Variants in RUVBL1 observed in about 807,000 individuals in gnomAD.
RUVBL1 encodes RuvB like AAA ATPase 1, also known as ruvB-like 1.
Under a neutral mutation model 52.4 loss-of-function variants are expected in RUVBL1, and 4 were observed. The observed-to-expected ratio is 0.08, with a 90% CI of 0.04 to 0.17. The LOEUF is 0.17. RUVBL1 is among the 10% of genes least tolerant of loss of function. The pLI is 1.00. For synonymous variants in RUVBL1, 217 were observed against 214.4 expected, an observed-to-expected ratio of 1.01 and a Z score of -0.10; for missense variants, 298 against 572.8, an observed-to-expected ratio of 0.52 and a Z score of 4.90.
chr3:128,080,821 C>A lies in RUVBL1; in HGVS notation c.*429G>T. 1 of 159,192 alleles carries A rather than the reference C, an allele frequency of 6.3e-6. No individual in the cohort carries two copies. Among genetic ancestry groups the A allele is most frequent in the Non-Finnish European group, 1.4e-5 (1 of 72,342 alleles). 9.9% of individuals were successfully genotyped at this position (159,192 alleles called of 1,614,324 possible). A position where few individuals can be genotyped will look rare whatever the true frequency, so the allele number is the denominator to read the frequency against. Reference sequence around the variant, plus strand: ...AGGTAAAACTGAGAAAATGTGAACGCAGTAGAATAATGCATCAGTATTGGT... The same window carrying A: ...AGGTAAAACTGAGAAAATGTGAACGAAGTAGAATAATGCATCAGTATTGGT... On this transcript the variant is annotated 3_prime_UTR_variant, in exon 11 of 11. Coordinates refer to ENST00000322623, the MANE Select transcript of RUVBL1 (RefSeq NM_003707.3).
chr3:128,120,288 G>C (rs1396595419), intron 1 of RUVBL1, among the ~76,000 whole-genome samples: 1 of 152,186 alleles, frequency 6.6e-6, no homozygotes, highest in East Asian at 1.9e-4. Flanking sequence ...AGTGAACACT[G>C]TAAATACTGA....
intron 3 of RUVBL1, 111 bp from the exon 4 acceptor site, chr3:128,105,035 A>G: frequency 8.4e-7 from 1 of 1,191,632 alleles, no homozygotes; most frequent in Non-Finnish European, 1.2e-6. Flanking sequence ...AATAATGTAC[A>G]TTCCAGGGTG....
chr3:128,084,200 G>A (rs1942568088), intron 9 of RUVBL1: 1 of 152,292 alleles, frequency 6.6e-6, no homozygotes, highest in African/African-American at 2.4e-5. Flanking sequence ...TGAACTGCCA[G>A]GGTGTGAGCT....
At chr3:128,068,043 G>C (rs1942037930) in intron 9 of RUVBL1, 1 of 1,613,750 alleles carries the variant, frequency 6.2e-7, no homozygotes, top group South Asian at 1.1e-5. Flanking sequence ...GACCTCCATG[G>C]TCCATGAACT....
chr3:128,103,578 T>C (rs1055863879), intron 4 of RUVBL1, among the ~76,000 whole-genome samples: 2 of 152,220 alleles, frequency 1.3e-5, no homozygotes, highest in Non-Finnish European at 2.9e-5. Flanking sequence ...GTCAATCTCC[T>C]GCAGTTTATA....
chr3:128,141,970 G>A (rs546201073), intron 1 of RUVBL1: 85 of 152,310 alleles, frequency 5.6e-4, no homozygotes, highest in African/African-American at 1.9e-3. Flanking sequence ...TGCTGCTGAA[G>A]AGAGCACTTG....
chr3:128,146,060 T>G (rs1002426965), intron 1 of RUVBL1, among the ~76,000 whole-genome samples: 1 of 150,234 alleles, frequency 6.7e-6, no homozygotes, highest in African/African-American at 2.5e-5. Context: ...GGATCAGGAG[T>G]AGGGAGGGGG....
chr3:128,135,263 T>G (rs556288887), intron 1 of RUVBL1, among the ~76,000 whole-genome samples: 1 of 152,236 alleles, frequency 6.6e-6, no homozygotes, highest in Admixed American at 6.5e-5. Context: ...CTGGGCATGG[T>G]GGCTCATGCC....
chr3:128,069,492 G>C, intron 9 of RUVBL1: 1 of 1,612,100 alleles, frequency 6.2e-7, no homozygotes, highest in Non-Finnish European at 8.5e-7. Flanking sequence ...CCCCACAGCC[G>C]CGGCCTTTGG....
At chr3:128,106,069 T>G (rs919238176) in intron 3 of RUVBL1, among the ~76,000 whole-genome samples, 2 of 151,828 alleles carry the variant, frequency 1.3e-5, no homozygotes, top group African/African-American at 2.4e-5. Context: ...TTAGTAGAGA[T>G]AGGTTTCACC....
intron 2 of RUVBL1, among the ~76,000 whole-genome samples, chr3:128,117,214 TCTAAAA>T (rs1323830687): frequency 6.6e-6 from 1 of 152,120 alleles, no homozygotes; most frequent in Admixed American, 6.5e-5. Flanking sequence ...GGAACAAAGA[TCTAAAA>T]GAAATTACCC....
intron 1 of RUVBL1, among the ~76,000 whole-genome samples, chr3:128,138,173 A>C (rs937121992): frequency 9.2e-5 from 14 of 152,316 alleles, no homozygotes; most frequent in Admixed American, 7.8e-4. Flanking sequence ...TCAACATAGT[A>C]CTGGAAGTCC....
rs781192863 is a variant in RUVBL1, at chr3:128,082,599, C to T, written c.1120-25G>A. ...TCTTTTAAAGGATAAAAAACATGATCAACGGTGACTGACCTCAAGTGCCCC... is the reference window on the plus strand; with the variant it reads ...TCTTTTAAAGGATAAAAAACATGATTAACGGTGACTGACCTCAAGTGCCCC... On this transcript the variant is annotated intron_variant, in intron 9 of 10. Coordinates refer to ENST00000322623, the MANE Select transcript of RUVBL1 (RefSeq NM_003707.3). The surrounding 1 kb of genome is among the most constrained non-coding windows in gnomAD (Gnocchi z 4.7). 2.6e-6 allele frequency: 4 copies of T among 1,564,176 alleles called. No individual in the cohort carries two copies. In the African/African-American group the frequency reaches 5.4e-5, roughly 21 times the overall value.
intron 1 of RUVBL1, among the ~76,000 whole-genome samples, chr3:128,149,189 CTTTT>C (rs34444238): frequency 1.3e-4 from 17 of 133,010 alleles, no homozygotes; most frequent in Middle Eastern, 3.8e-3. Flanking sequence ...TTCTTTCTTT[CTTTT>C]TTTTTTTTTT....
chr3:128,085,768 G>A (rs986093717), intron 9 of RUVBL1, among the ~76,000 whole-genome samples: 4 of 152,196 alleles, frequency 2.6e-5, no homozygotes, highest in African/African-American at 9.7e-5. Flanking sequence ...AGGCCCAGGA[G>A]AGGCCCTGAC....
At chr3:128,071,885 G>A (rs1179411123) in intron 9 of RUVBL1, among the ~76,000 whole-genome samples, 1 of 152,242 alleles carries the variant, frequency 6.6e-6, no homozygotes, top group East Asian at 1.9e-4. Context: ...GGCCACATGT[G>A]GAGCTGCTGC....
chr3:128,064,856 T>C, exon 10 of RUVBL1: 1 of 1,568,498 alleles, frequency 6.4e-7, no homozygotes, highest in South Asian at 1.2e-5. Flanking sequence ...CCTTCATATA[T>C]GTCTCCTCCT....
At chr3:128,142,343 C>T (rs960273787) in intron 1 of RUVBL1, among the ~76,000 whole-genome samples, 2 of 152,100 alleles carry the variant, frequency 1.3e-5, no homozygotes, top group African/African-American at 4.8e-5. Context: ...TGGTGAAGAT[C>T]TTAACTGTCA....
intron 1 of RUVBL1, among the ~76,000 whole-genome samples, chr3:128,130,626 TATG>T (rs1943863299): frequency 2.4e-4 from 2 of 8,394 alleles, no homozygotes; most frequent in South Asian, 5.6e-3. Flanking sequence ...TTTATTTATT[TATG>T]TATTTATTTA....
Sources: gnomAD v4.1 joint callset for allele counts (sites outside exome capture counted in the v4.1 genomes callset) on GRCh38, gnomAD v4.1.1 for gene constraint, Gnocchi (gnomAD v3.1) non-coding constraint, MANE v1.5 for transcripts, NCBI Gene and HGNC (gene_info 2026-07-23, HGNC 2026-07-21) for gene names.